Variants in CDC14A observed in about 807,000 individuals in gnomAD.
The protein encoded by CDC14A is dual specificity protein phosphatase CDC14A.
Under a neutral mutation model 74.4 loss-of-function variants are expected in CDC14A, and 53 were observed. That is an observed-to-expected ratio of 0.71 (90% CI 0.57 to 0.89). CDC14A has a LOEUF of 0.89. CDC14A is among the 40% of genes least tolerant of loss of function. CDC14A has a pLI of 0.00. For synonymous variants in CDC14A, 247 were observed against 258.4 expected (o/e 0.96, Z 0.43); for missense variants, 646 against 713.7 (o/e 0.91, Z 1.08).
chr1:100,374,065 T>G (rs540203089), intron 2 of CDC14A, among the ~76,000 whole-genome samples: 1 of 152,174 alleles, frequency 6.6e-6, no homozygotes, highest in Admixed American at 6.5e-5. Flanking sequence ...TTTGGTTTTT[T>G]GTTCTTGCGA....
At chr1:100,480,931 C>T (rs1301452216) in intron 10 of CDC14A, 2 of 152,188 alleles carry the variant, frequency 1.3e-5, no homozygotes, top group Non-Finnish European at 2.9e-5. Flanking sequence ...CAATTAACTG[C>T]CTTCCCTTAT....
intron 8 of CDC14A, 146 bp downstream of exon 8, chr1:100,455,638 T>C (rs1262403276): frequency 6.8e-6 from 4 of 585,874 alleles, no homozygotes; most frequent in Non-Finnish European, 1.2e-5. Context: ...GTAGTAATAG[T>C]GTGTTAAATA....
intron 2 of CDC14A, among the ~76,000 whole-genome samples, chr1:100,372,077 G>A (rs1654551716): frequency 6.6e-6 from 1 of 152,172 alleles, no homozygotes; most frequent in African/African-American, 2.4e-5. Flanking sequence ...CTATACTGTG[G>A]TCTATTAAGT....
chr1:100,364,137 A>T (rs1170408759), intron 2 of CDC14A, among the ~76,000 whole-genome samples: 2 of 152,124 alleles, frequency 1.3e-5, no homozygotes, highest in East Asian at 1.9e-4. Flanking sequence ...CAAAAAAAAA[A>T]TTTATTGATC....
At chr1:100,373,534 A>G (rs938932919) in intron 2 of CDC14A, among the ~76,000 whole-genome samples, 2 of 152,216 alleles carry the variant, frequency 1.3e-5, no homozygotes, top group Non-Finnish European at 2.9e-5. Context: ...CAGGGTTGCC[A>G]CGGTTCTTCA....
intron 7 of CDC14A, among the ~76,000 whole-genome samples, chr1:100,447,033 T>G (rs2101146875): frequency 6.6e-6 from 1 of 152,280 alleles, no homozygotes; most frequent in South Asian, 2.1e-4. Flanking sequence ...CATATCTTAA[T>G]TTAGACTAGC....
intron 6 of CDC14A, among the ~76,000 whole-genome samples, chr1:100,440,690 G>A (rs187707328): frequency 1.3e-5 from 2 of 152,070 alleles, no homozygotes; most frequent in Admixed American, 6.5e-5. Flanking sequence ...ATTGATCATA[G>A]GACATATATA....
At chr1:100,470,001 T>C (rs563126978) in intron 10 of CDC14A, among the ~76,000 whole-genome samples, 4 of 152,270 alleles carry the variant, frequency 2.6e-5, no homozygotes, top group African/African-American at 9.6e-5. Flanking sequence ...TAATATAAAA[T>C]GAGTAAATGA....
At chr1:100,462,620 C>A (rs376813624) in intron 8 of CDC14A, 31 bp from the exon 9 acceptor site, 29 of 1,495,294 alleles carry the variant, frequency 1.9e-5, no homozygotes, top group Middle Eastern at 3.4e-4. Context: ...GAAATGCATG[C>A]CTTTTGCTTA....
chr1:100,445,592 T>C (rs1238682097), intron 7 of CDC14A, among the ~76,000 whole-genome samples: 2 of 152,152 alleles, frequency 1.3e-5, no homozygotes, highest in Non-Finnish European at 2.9e-5. Context: ...AGAAAACTTG[T>C]GGATGTTTTA....
intron 15 of CDC14A, among the ~76,000 whole-genome samples, chr1:100,516,007 A>G (rs982392056): frequency 6.6e-6 from 1 of 152,258 alleles, no homozygotes; most frequent in Admixed American, 6.5e-5. Context: ...CCAGTTAGGC[A>G]ACATAAGAGA....
intron 4 of CDC14A, chr1:100,393,893 A>G (rs921552408): frequency 1.5e-4 from 35 of 237,816 alleles, no homozygotes; most frequent in African/African-American, 7.9e-4. Flanking sequence ...CAGTGAGCCA[A>G]GATTGCGCCA....
At chr1:100,480,975 A>G (rs568366917) in intron 10 of CDC14A, 1 of 152,286 alleles carries the variant, frequency 6.6e-6, no homozygotes, top group Non-Finnish European at 1.5e-5. Context: ...CTTCCTAGTG[A>G]ATCTTCCACT....
intron 8 of CDC14A, among the ~76,000 whole-genome samples, chr1:100,460,566 G>A (rs953267833): frequency 3.9e-5 from 6 of 152,178 alleles, no homozygotes; most frequent in Admixed American, 3.3e-4. Context: ...TAGAAAAACC[G>A]TTACTTCTTA....
rs1264418867 is a variant in CDC14A at position 100,353,004 on chromosome 1, G to T, written c.49+1G>T. On this transcript the variant is annotated splice_donor_variant, in intron 1 of 15. Transcript: ENST00000336454. LOFTEE classifies it high-confidence loss of function. ...ATCGGGGCTTGTGAGTTCATGAAAG[G>T]TGAGGAGCAGCCGCCCCGCATCTTC... 1 of 1,614,138 alleles carries T rather than the reference G, an allele frequency of 6.2e-7. No individual in the cohort carries two copies. Among genetic ancestry groups the T allele is most frequent in the Admixed American group, 1.7e-5 (1 of 60,032 alleles).
At chr1:100,484,724 C>T in intron 11 of CDC14A, 1 of 1,041,592 alleles carries the variant, frequency 9.6e-7, no homozygotes, top group Non-Finnish European at 1.2e-6. Context: ...AGCAAACTTT[C>T]TATTTGAAAA....
chr1:100,515,479 G>T (rs949373771), intron 15 of CDC14A, among the ~76,000 whole-genome samples: 1 of 151,550 alleles, frequency 6.6e-6, no homozygotes, highest in African/African-American at 2.4e-5. Flanking sequence ...CGCCTCCCGG[G>T]TTCAAGTGAT....
At chr1:100,418,796 T>C (rs1661868113) in intron 4 of CDC14A, among the ~76,000 whole-genome samples, 1 of 152,196 alleles carries the variant, frequency 6.6e-6, no homozygotes, top group African/African-American at 2.4e-5. Context: ...GGGAAAATTT[T>C]TTGTAAAATA....
At chr1:100,353,998 G>A (rs1278916299) in intron 2 of CDC14A, 146 bp downstream of exon 2, 2 of 640,490 alleles carry the variant, frequency 3.1e-6, no homozygotes, top group Non-Finnish European at 5.5e-6. Flanking sequence ...CAGGTGCCTG[G>A]GGAGAAGTTC....
Sources: allele counts gnomAD v4.1 joint callset (sites outside exome capture counted in the v4.1 genomes callset), GRCh38; gene constraint gnomAD v4.1.1; transcripts MANE v1.5; gene names NCBI Gene and HGNC (gene_info 2026-07-23, HGNC 2026-07-21).